KSR2: variants seen among roughly 807,000 people sequenced by gnomAD.
KSR2 encodes the protein kinase suppressor of ras 2.
A neutral mutation model predicts 107.8 loss-of-function variants in KSR2; 25 were observed. The observed-to-expected ratio is 0.23, with a 90% CI of 0.17 to 0.32. KSR2 has a LOEUF of 0.32. Ranked by LOEUF, KSR2 falls within the 10% of genes least tolerant of loss-of-function variation. The probability of loss-of-function intolerance (pLI) is 1.00; values close to 1 mark genes in which losing one functional copy is unlikely to be tolerated. For missense variants in KSR2, 887 were observed against 1,268.9 expected (o/e 0.70, Z 4.57); for synonymous variants, 480 against 507.0 (o/e 0.95, Z 0.71).
At chr12:117,570,773 T>C (rs1442131009) in intron 7 of KSR2, among the ~76,000 whole-genome samples, 3 of 152,192 alleles carry the variant, frequency 2.0e-5, no homozygotes, top group Non-Finnish European at 2.9e-5. Flanking sequence ...AGCCTCACTG[T>C]GTATCAGAGA....
At chr12:117,809,588 ACT>A (rs1891128439) in intron 3 of KSR2, among the ~76,000 whole-genome samples, 1 of 151,736 alleles carries the variant, frequency 6.6e-6, no homozygotes, top group African/African-American at 2.4e-5. Context: ...CATCAACATC[ACT>A]CTCTGTTGCT....
At chr12:117,557,146 C>G (rs563857672) in intron 8 of KSR2, among the ~76,000 whole-genome samples, 3 of 152,228 alleles carry the variant, frequency 2.0e-5, no homozygotes, top group South Asian at 4.2e-4. Flanking sequence ...GCCTGGGCGA[C>G]AGAGAGAGAC....
At chr12:117,656,941 G>GAGATATATATATAT (rs372591941) in intron 5 of KSR2, among the ~76,000 whole-genome samples, 2 of 102,506 alleles carry the variant, frequency 2.0e-5, no homozygotes, top group East Asian at 4.0e-4. Flanking sequence ...TATATAATAG[G>GAGATATATATATAT]ATATATATAT....
chr12:117,778,442 A>C (rs1239499343), intron 3 of KSR2, among the ~76,000 whole-genome samples: 2 of 152,232 alleles, frequency 1.3e-5, no homozygotes, highest in Non-Finnish European at 2.9e-5. Flanking sequence ...GGATAACAGT[A>C]TTGGTATCAT....
chr12:117,845,898 C>T (rs1892686973), intron 3 of KSR2, among the ~76,000 whole-genome samples: 1 of 151,734 alleles, frequency 6.6e-6, no homozygotes, highest in African/African-American at 2.4e-5. Flanking sequence ...CTGTGTTGCC[C>T]AGGCTGGTCT....
chr12:117,520,136 C>T (rs1052906959), intron 14 of KSR2, among the ~76,000 whole-genome samples: 2 of 152,172 alleles, frequency 1.3e-5, no homozygotes, highest in East Asian at 1.9e-4. Flanking sequence ...AAAGAAGGAA[C>T]CTACCAGACT....
intron 3 of KSR2, among the ~76,000 whole-genome samples, chr12:117,815,657 G>C (rs1344757392): frequency 6.6e-6 from 1 of 152,144 alleles, no homozygotes; most frequent in East Asian, 1.9e-4. Context: ...CTATGAAAAA[G>C]TATGGTGGGA....
At chr12:117,838,208 C>T (rs1316551370) in intron 3 of KSR2, among the ~76,000 whole-genome samples, 1 of 152,346 alleles carries the variant, frequency 6.6e-6, no homozygotes, top group South Asian at 2.1e-4. Flanking sequence ...CGCACTGTCA[C>T]CCGGGCTGGA....
chr12:117,506,240 T>C (rs925338357), intron 14 of KSR2, among the ~76,000 whole-genome samples: 2 of 152,174 alleles, frequency 1.3e-5, no homozygotes, highest in Non-Finnish European at 2.9e-5. Flanking sequence ...CTGTCAAAAT[T>C]AGGAGCTAAA....
intron 3 of KSR2, among the ~76,000 whole-genome samples, chr12:117,826,054 G>A (rs2137095726): frequency 6.6e-6 from 1 of 152,076 alleles, no homozygotes; most frequent in South Asian, 2.1e-4. Context: ...TGAATGGATG[G>A]ATAAATGCAT....
intron 1 of KSR2, among the ~76,000 whole-genome samples, chr12:117,885,608 TTA>T (rs917375750): frequency 3.3e-5 from 5 of 151,568 alleles, no homozygotes; most frequent in African/African-American, 7.3e-5. Flanking sequence ...ATACCTATAA[TTA>T]TATATGTGTA....
At chr12:117,916,057 G>A (rs1895160771) in intron 1 of KSR2, among the ~76,000 whole-genome samples, 1 of 151,420 alleles carries the variant, frequency 6.6e-6, no homozygotes, top group Non-Finnish European at 1.5e-5. Flanking sequence ...GTGAAATTTT[G>A]AGGGGCTGAA....
At chr12:117,491,913 G>A (rs962600909) in intron 14 of KSR2, among the ~76,000 whole-genome samples, 16 of 152,198 alleles carry the variant, frequency 1.1e-4, no homozygotes, top group African/African-American at 3.6e-4. Context: ...CATCGCCTAC[G>A]GCAATGAAGA....
At chr12:117,722,755 C>T (rs969081796) in intron 4 of KSR2, among the ~76,000 whole-genome samples, 27 of 152,202 alleles carry the variant, frequency 1.8e-4, no homozygotes, top group African/African-American at 6.3e-4. Flanking sequence ...AATAAACTTG[C>T]TTTCACTTTA....
intron 4 of KSR2, among the ~76,000 whole-genome samples, chr12:117,680,200 G>A (rs78946449): frequency 6.6e-6 from 1 of 152,062 alleles, no homozygotes; most frequent in Non-Finnish European, 1.5e-5. Context: ...TCCCTGAATT[G>A]TATGCCACTG....
intron 4 of KSR2, among the ~76,000 whole-genome samples, chr12:117,733,041 C>A (rs1593180240): frequency 6.6e-6 from 1 of 152,302 alleles, no homozygotes; most frequent in East Asian, 1.9e-4. Flanking sequence ...CACTGCATAC[C>A]TGCAAGAATT....
At chr12:117,579,674 C>T (rs1036760521) in intron 6 of KSR2, among the ~76,000 whole-genome samples, 3 of 152,204 alleles carry the variant, frequency 2.0e-5, no homozygotes, top group African/African-American at 7.2e-5. Flanking sequence ...GCTGAACCAT[C>T]TCCCATCACT....
intron 1 of KSR2, among the ~76,000 whole-genome samples, chr12:117,942,684 A>T (rs1896047649): frequency 6.7e-6 from 1 of 148,674 alleles, no homozygotes; most frequent in African/African-American, 2.5e-5. Flanking sequence ...TTTTTTGGAG[A>T]AACAAGAGTT....
chr12:117,641,701 CAT>C (rs1211970545), intron 5 of KSR2, among the ~76,000 whole-genome samples: 2 of 152,142 alleles, frequency 1.3e-5, no homozygotes, highest in African/African-American at 2.4e-5. Flanking sequence ...AGGACTTCAA[CAT>C]ATCTTTTTTA....
Sources: allele counts gnomAD v4.1 joint callset (sites outside exome capture counted in the v4.1 genomes callset), GRCh38; gene constraint gnomAD v4.1.1; transcripts MANE v1.5; gene names NCBI Gene and HGNC (gene_info 2026-07-23, HGNC 2026-07-21).